Variants in EYS observed in about 807,000 individuals in gnomAD.
EYS encodes protein eyes shut homolog.
Under a neutral mutation model 282.1 loss-of-function variants are expected in EYS, and 250 were observed. The observed-to-expected ratio is 0.89, with a 90% confidence interval of 0.80 to 0.98. The LOEUF (loss-of-function observed/expected upper bound fraction) is 0.98, where lower values mean the gene tolerates loss of function less well. Among genes scored for constraint, EYS ranks in the 50% least tolerant of loss-of-function variants. The pLI, the probability that EYS is intolerant of heterozygous loss-of-function variation, is 0.00. For synonymous variants in EYS, 1,355 were observed against 1,282.9 expected, an observed-to-expected ratio of 1.06 and a Z score of -1.20; for missense variants, 4,016 against 3,709.0, an observed-to-expected ratio of 1.08 and a Z score of -2.15.
intron 35 of EYS, among the ~76,000 whole-genome samples, chr6:63,892,924 A>G (rs1773444533): frequency 6.6e-6 from 1 of 152,260 alleles, no homozygotes; most frequent in Non-Finnish European, 1.5e-5. Context: ...GGCAAAGGAT[A>G]TGAAGAGATA....
In EYS at chr6:63,900,439, C is replaced by T. The variant is rs116594437; in HGVS notation, c.7056-36081G>A. On this transcript the variant is annotated intron_variant, in intron 35 of 42. Coordinates refer to ENST00000503581, the MANE Select transcript of EYS (RefSeq NM_001142800.2). The stretch of plus-strand genomic sequence containing the variant: ...TCTCTTAATAGCAAACAAGAACATT[C>T]GGCTTTTTAAAAATAGCACACAACT... Among the ~76,000 whole-genome samples, 759 of 152,172 alleles carry T rather than the reference C, an allele frequency of 5.0e-3. 5 individuals carry two copies. The highest frequency in any genetic ancestry group is 0.017 in the African/African-American group (720 of 41,516).
intron 26 of EYS, among the ~76,000 whole-genome samples, chr6:64,503,162 A>G (rs1777105766): frequency 6.6e-6 from 1 of 152,232 alleles, no homozygotes; most frequent in African/African-American, 2.4e-5. Context: ...TTAATTTAAT[A>G]GTCAATATGA....
At chr6:64,420,333 G>T (rs1401735622) in intron 28 of EYS, among the ~76,000 whole-genome samples, 2 of 152,162 alleles carry the variant, frequency 1.3e-5, no homozygotes, top group Non-Finnish European at 2.9e-5. Flanking sequence ...TTCCTCTTAG[G>T]TCTCTGAGCC....
At chr6:64,978,144 A>G (rs910084308) in intron 14 of EYS, among the ~76,000 whole-genome samples, 2 of 151,948 alleles carry the variant, frequency 1.3e-5, no homozygotes, top group African/African-American at 4.8e-5. Flanking sequence ...TTTCACAGTT[A>G]GAGAGGAGAT....
chr6:65,348,364 G>A (rs1390274357), intron 9 of EYS, among the ~76,000 whole-genome samples: 1 of 151,624 alleles, frequency 6.6e-6, no homozygotes, highest in East Asian at 1.9e-4. Flanking sequence ...GTGTACAAGG[G>A]TTCCCTTTTC....
intron 33 of EYS, among the ~76,000 whole-genome samples, chr6:64,002,073 G>A (rs1290611450): frequency 6.6e-6 from 1 of 152,208 alleles, no homozygotes; most frequent in Non-Finnish European, 1.5e-5. Context: ...CACAGAATCA[G>A]CTGATTGTCG....
intron 21 of EYS, 137 bp from the exon 22 acceptor site, chr6:64,813,714 A>G: frequency 1.9e-6 from 1 of 523,342 alleles, no homozygotes. Context: ...CTGTTAATTG[A>G]AATATATGTT....
In EYS at chr6:63,775,527, G is replaced by C. The variant is rs539900972; in HGVS notation, c.7898+2479C>G. Among the ~76,000 whole-genome samples, 4 of 152,198 alleles carry C rather than the reference G, an allele frequency of 2.6e-5. No homozygotes were observed. In the South Asian group the frequency reaches 6.2e-4, roughly 24 times the overall value. ...TTTTTCAGGAAAAGATTAAACTTTAGCTTTGAGCTGTCTATAAGGCTACCT... is the reference window on the plus strand; with the variant it reads ...TTTTTCAGGAAAAGATTAAACTTTACCTTTGAGCTGTCTATAAGGCTACCT... On this transcript the variant is annotated intron_variant, in intron 40 of 42. Coordinates refer to ENST00000503581, the MANE Select transcript of EYS (RefSeq NM_001142800.2).
intron 4 of EYS, 33 bp from the exon 5 acceptor site, chr6:65,490,740 G>T: frequency 9.0e-7 from 1 of 1,115,388 alleles, no homozygotes; most frequent in Non-Finnish European, 1.4e-6. Flanking sequence ...TTTTTACATT[G>T]GATATCAATA....
rs552388719 is a variant in EYS at position 65,333,971 on chromosome 6, G to A, written c.1766+1009C>T. Among the ~76,000 whole-genome samples, 147 of 149,318 alleles carry A rather than the reference G, an allele frequency of 9.8e-4. 1 individual carries two copies. Among genetic ancestry groups the A allele is most frequent in the South Asian group, 8.2e-3 (39 of 4,750 alleles). ...TATCTTTGAATCTAAAGTGTCTTCC[G>A]TAAACCATATATATATATATACACA... is the stretch of plus-strand genomic sequence containing the variant. On this transcript the variant is annotated intron_variant, in intron 11 of 42. Coordinates refer to ENST00000503581, the MANE Select transcript of EYS (RefSeq NM_001142800.2).
intron 13 of EYS, among the ~76,000 whole-genome samples, chr6:64,999,536 G>T (rs143042577): frequency 6.6e-6 from 1 of 152,132 alleles, no homozygotes; most frequent in African/African-American, 2.4e-5. Flanking sequence ...ACGTGAGGAC[G>T]GCACTCCTGC....
intron 12 of EYS, among the ~76,000 whole-genome samples, chr6:65,196,399 A>G (rs1352660194): frequency 6.6e-6 from 1 of 152,100 alleles, no homozygotes; most frequent in Non-Finnish European, 1.5e-5. Context: ...TTTCTTACAC[A>G]TGCAATTGAA....
At chr6:64,167,772 T>C (rs1764341310) in intron 31 of EYS, among the ~76,000 whole-genome samples, 1 of 152,204 alleles carries the variant, frequency 6.6e-6, no homozygotes, top group African/African-American at 2.4e-5. Context: ...ACATTAATAA[T>C]TTGTATCCTA....
intron 5 of EYS, among the ~76,000 whole-genome samples, chr6:65,428,616 A>C (rs1767753630): frequency 6.6e-6 from 1 of 152,116 alleles, no homozygotes; most frequent in African/African-American, 2.4e-5. Context: ...AACAGACAAG[A>C]TAATGGACTG....
chr6:64,434,860 T>C (rs1774686410), intron 28 of EYS, among the ~76,000 whole-genome samples: 1 of 152,118 alleles, frequency 6.6e-6, no homozygotes, highest in African/African-American at 2.4e-5. Flanking sequence ...CAGCCATGCC[T>C]GAGGCCAGAA....
In EYS at chr6:65,499,285, T is replaced by C. The variant is rs541860597; in HGVS notation, c.-332-3292A>G. On this transcript the variant is annotated intron_variant, in intron 2 of 42. Transcript: ENST00000503581. Reference sequence around the variant, plus strand: ...TAAGTTTAAACAAATAAGTTTTATATAAGCCAAAAAATAATTTGAATAGAA... The same window carrying C: ...TAAGTTTAAACAAATAAGTTTTATACAAGCCAAAAAATAATTTGAATAGAA... 2.2e-4 allele frequency among the ~76,000 whole-genome samples: 34 copies of C among 152,130 alleles called. 1 individual carries two copies. Among genetic ancestry groups the C allele is most frequent in the African/African-American group, 8.2e-4 (34 of 41,538 alleles).
intron 2 of EYS, among the ~76,000 whole-genome samples, chr6:65,556,034 C>G (rs1037520277): frequency 3.3e-5 from 5 of 152,092 alleles, no homozygotes; most frequent in Admixed American, 3.3e-4. Context: ...TTCCTTTGGT[C>G]TGTGCTGTTC....
chr6:64,956,759 T>G lies in EYS; in HGVS notation c.2260-10845A>C, dbSNP rs1368375185. ...TAGGAAAAAAACTCTAATAATCTGA[T>G]CAATAAATGGGCAAAAAATTTCAAC... On this transcript the variant is annotated intron_variant, in intron 14 of 42. Transcript: ENST00000503581. 1.3e-5 allele frequency among the ~76,000 whole-genome samples: 2 copies of G among 152,074 alleles called. 1 individual carries two copies. Among genetic ancestry groups the G allele is most frequent in the Non-Finnish European group, 2.9e-5 (2 of 67,996 alleles).
chr6:63,775,910 T>G (rs529810854), intron 40 of EYS, among the ~76,000 whole-genome samples: 21 of 152,190 alleles, frequency 1.4e-4, no homozygotes, highest in Non-Finnish European at 2.8e-4. Flanking sequence ...TGTTATTAAA[T>G]GATGGTCACA....
Sources: gnomAD v4.1 joint callset for allele counts (sites outside exome capture counted in the v4.1 genomes callset) on GRCh38, gnomAD v4.1.1 for gene constraint, MANE v1.5 for transcripts, NCBI Gene and HGNC (gene_info 2026-07-23, HGNC 2026-07-21) for gene names.